Variants in LSAMP observed in about 807,000 individuals in gnomAD.
LSAMP encodes limbic system-associated membrane protein.
Under a neutral mutation model 38.6 loss-of-function variants are expected in LSAMP, and 7 were observed. That is an observed-to-expected ratio of 0.18 (90% CI 0.10 to 0.34). The LOEUF (loss-of-function observed/expected upper bound fraction) is 0.34. Ranked by LOEUF, LSAMP falls within the 10% of genes least tolerant of loss-of-function variation. The pLI is 1.00. For synonymous variants in LSAMP, 154 were observed against 166.8 expected, an observed-to-expected ratio of 0.92 and a Z score of 0.59; for missense variants, 313 against 420.0, an observed-to-expected ratio of 0.75 and a Z score of 2.23.
chr3:115,951,831 C>A (rs1938299811), intron 3 of LSAMP, among the ~76,000 whole-genome samples: 1 of 151,416 alleles, frequency 6.6e-6, no homozygotes, highest in Non-Finnish European at 1.5e-5. Context: ...TGAGTCAATA[C>A]TCCTTAATAA....
At chr3:115,852,440 G>A (rs758080231) in intron 4 of LSAMP, 43 bp downstream of exon 4, 3 of 1,566,580 alleles carry the variant, frequency 1.9e-6, no homozygotes, top group Middle Eastern at 1.7e-4. Flanking sequence ...AGGTAGAGGT[G>A]CACCCTGGGC....
chr3:116,305,933 CTTT>C (rs11347560), intron 1 of LSAMP, among the ~76,000 whole-genome samples: 81 of 143,922 alleles, frequency 5.6e-4, no homozygotes, highest in Middle Eastern at 3.5e-3. Context: ...TATTTCAGTG[CTTT>C]TTTTTTTTTT....
chr3:116,068,088 AC>A (rs1332442871), intron 2 of LSAMP, among the ~76,000 whole-genome samples: 1 of 152,212 alleles, frequency 6.6e-6, no homozygotes, highest in Non-Finnish European at 1.5e-5. Context: ...TAAGAAATTT[AC>A]TTCTCAACAA....
At chr3:116,269,314 T>TTAAATGTTAAATAAAATA (rs2046938725) in intron 1 of LSAMP, among the ~76,000 whole-genome samples, 1 of 152,146 alleles carries the variant, frequency 6.6e-6, no homozygotes, top group Non-Finnish European at 1.5e-5. Flanking sequence ...ATCTCTCTTA[T>TTAAATGTTAAATAAAATA]TAAATGTTAA....
intron 1 of LSAMP, among the ~76,000 whole-genome samples, chr3:116,107,624 T>C (rs13092596): frequency 3.9e-5 from 6 of 152,058 alleles, no homozygotes; most frequent in Non-Finnish European, 7.4e-5. Flanking sequence ...TGCCGAGATA[T>C]GTAACAGATG....
intron 3 of LSAMP, among the ~76,000 whole-genome samples, chr3:115,855,263 G>A (rs777698173): frequency 6.6e-6 from 1 of 152,194 alleles, no homozygotes; most frequent in Non-Finnish European, 1.5e-5. Flanking sequence ...ACCTATGAAA[G>A]GAAATAGTAA....
At chr3:116,127,858 A>T (rs535634156) in intron 1 of LSAMP, among the ~76,000 whole-genome samples, 108 of 152,112 alleles carry the variant, frequency 7.1e-4, no homozygotes, top group African/African-American at 2.5e-3. Context: ...TTTAAGCAAC[A>T]TTTACCCTGA....
chr3:116,230,775 TTG>T (rs1457917356), intron 1 of LSAMP, among the ~76,000 whole-genome samples: 1 of 152,162 alleles, frequency 6.6e-6, no homozygotes, highest in Non-Finnish European at 1.5e-5. Flanking sequence ...GCCGTTAGCT[TTG>T]TAATTAAAAA....
chr3:116,405,243 G>T (rs537319962), intron 1 of LSAMP, among the ~76,000 whole-genome samples: 3 of 152,066 alleles, frequency 2.0e-5, no homozygotes, highest in Non-Finnish European at 2.9e-5. Flanking sequence ...CAGTTTGGGG[G>T]TGTCTCATTT....
At chr3:116,390,087 A>T (rs754933318) in intron 1 of LSAMP, among the ~76,000 whole-genome samples, 1 of 152,008 alleles carries the variant, frequency 6.6e-6, no homozygotes, top group Non-Finnish European at 1.5e-5. Context: ...CCAGGTAAAA[A>T]AGTCAATGTA....
chr3:115,988,729 T>C (rs968844054), intron 3 of LSAMP, among the ~76,000 whole-genome samples: 1 of 152,156 alleles, frequency 6.6e-6, no homozygotes, highest in Non-Finnish European at 1.5e-5. Context: ...ATTTCCTTCA[T>C]TTTTAATAGC....
At chr3:116,306,642 G>C (rs2095081809) in intron 1 of LSAMP, among the ~76,000 whole-genome samples, 1 of 151,956 alleles carries the variant, frequency 6.6e-6, no homozygotes, top group Non-Finnish European at 1.5e-5. Context: ...AGATTTTGCT[G>C]TCCAGATTCC....
chr3:116,049,140 G>A (rs945539402), intron 2 of LSAMP, among the ~76,000 whole-genome samples: 15 of 152,172 alleles, frequency 9.9e-5, no homozygotes, highest in Non-Finnish European at 1.6e-4. Context: ...TGAAGCCAGG[G>A]TTGTCCATCT....
intron 1 of LSAMP, among the ~76,000 whole-genome samples, chr3:116,333,533 CAAA>C (rs35890184): frequency 2.3e-5 from 2 of 85,588 alleles, no homozygotes; most frequent in Admixed American, 1.3e-4. Flanking sequence ...GGTTCCATCT[CAAA>C]AAAAAAAAAA....
At chr3:116,165,884 C>A (rs2107545914) in intron 1 of LSAMP, among the ~76,000 whole-genome samples, 1 of 152,308 alleles carries the variant, frequency 6.6e-6, no homozygotes, top group Admixed American at 6.5e-5. Context: ...TCTCAGTTCC[C>A]TTCCCACCCC....
At chr3:116,430,908 T>C (rs2107871637) in intron 1 of LSAMP, among the ~76,000 whole-genome samples, 1 of 152,120 alleles carries the variant, frequency 6.6e-6, no homozygotes, top group East Asian at 1.9e-4. Context: ...ACTACCATAT[T>C]TTTTCTTTCT....
chr3:116,167,008 G>A (rs1710071638), intron 1 of LSAMP, among the ~76,000 whole-genome samples: 1 of 151,982 alleles, frequency 6.6e-6, no homozygotes, highest in South Asian at 2.1e-4. Flanking sequence ...AGCCAGGATG[G>A]TCTTGATCTC....
intron 3 of LSAMP, among the ~76,000 whole-genome samples, chr3:115,987,819 T>C (rs569271916): frequency 1.3e-5 from 2 of 152,228 alleles, no homozygotes; most frequent in East Asian, 3.9e-4. Flanking sequence ...CAGGAGAAAA[T>C]TCTTGAATAT....
At chr3:115,819,755 T>C (rs1934167166) in intron 6 of LSAMP, among the ~76,000 whole-genome samples, 1 of 152,262 alleles carries the variant, frequency 6.6e-6, no homozygotes, top group Non-Finnish European at 1.5e-5. Context: ...TACTCCTCCC[T>C]ATGCCTGTAA....
Sources: allele counts gnomAD v4.1 joint callset (sites outside exome capture counted in the v4.1 genomes callset), GRCh38; gene constraint gnomAD v4.1.1; transcripts MANE v1.5; gene names NCBI Gene and HGNC (gene_info 2026-07-23, HGNC 2026-07-21).